Variants in GRHL2 observed in about 807,000 individuals in gnomAD.
GRHL2 encodes the protein grainyhead like transcription factor 2, also known as grainyhead-like protein 2 homolog.
GRHL2 carries 21 observed loss-of-function variants against 83.8 expected under a neutral mutation model. The observed-to-expected ratio is 0.25, with a 90% confidence interval of 0.18 to 0.36. The LOEUF (loss-of-function observed/expected upper bound fraction) is 0.36. Among genes scored for constraint, GRHL2 ranks in the 10% least tolerant of loss-of-function variants. The probability of loss-of-function intolerance (pLI) is 1.00; values close to 1 mark genes in which losing one functional copy is unlikely to be tolerated. For synonymous variants in GRHL2, 280 were observed against 278.9 expected (o/e 1.00, Z -0.04); for missense variants, 623 against 781.8 (o/e 0.80, Z 2.42).
chr8:101,582,707 G>A (rs1251377777), intron 7 of GRHL2, among the ~76,000 whole-genome samples: 2 of 152,246 alleles, frequency 1.3e-5, no homozygotes, highest in South Asian at 4.2e-4. Flanking sequence ...GTTCCTCTGC[G>A]ACCACCCACC....
chr8:101,598,081 G>A (rs1034411126), intron 7 of GRHL2, among the ~76,000 whole-genome samples: 5 of 151,980 alleles, frequency 3.3e-5, no homozygotes, highest in Non-Finnish European at 7.4e-5. Flanking sequence ...AATATATTCC[G>A]TAAGAATATA....
At chr8:101,600,625 A>G (rs1812490048) in intron 8 of GRHL2, among the ~76,000 whole-genome samples, 1 of 152,236 alleles carries the variant, frequency 6.6e-6, no homozygotes, top group African/African-American at 2.4e-5. Flanking sequence ...CCACTGAGTC[A>G]TCCTGAGCAA....
intron 8 of GRHL2, among the ~76,000 whole-genome samples, chr8:101,605,299 C>G (rs1298749905): frequency 2.0e-5 from 3 of 152,144 alleles, no homozygotes; most frequent in African/African-American, 7.2e-5. Context: ...TATTACCTCT[C>G]AACATATCAG....
At chr8:101,681,190 AAAG>A in the GRHL2 span, among the ~76,000 whole-genome samples, 2 of 136,492 alleles carry the variant, frequency 1.5e-5, no homozygotes, top group Non-Finnish European at 3.1e-5. Flanking sequence ...CAAGACTAAT[AAAG>A]AAGAAAAGAG....
At chr8:101,643,216 T>C (rs563511120) in intron 12 of GRHL2, among the ~76,000 whole-genome samples, 2 of 152,162 alleles carry the variant, frequency 1.3e-5, no homozygotes, top group East Asian at 1.9e-4. Flanking sequence ...TCTTTCGGGA[T>C]TGTGATCAGC....
chr8:101,507,997 G>C (rs1020061196), intron 1 of GRHL2, among the ~76,000 whole-genome samples: 1 of 151,930 alleles, frequency 6.6e-6, no homozygotes, highest in African/African-American at 2.4e-5. Flanking sequence ...TGTTGGCCAG[G>C]CTGGTCTCGA....
At chr8:101,524,394 C>A (rs544741868) in intron 1 of GRHL2, among the ~76,000 whole-genome samples, 1 of 151,972 alleles carries the variant, frequency 6.6e-6, no homozygotes, top group African/African-American at 2.4e-5. Context: ...CAGGTTAATT[C>A]TTTTATTTTT....
At chr8:101,617,236 C>A (rs1917727) in intron 8 of GRHL2, among the ~76,000 whole-genome samples, 74,129 of 151,920 alleles carry the variant, frequency 0.49, 19,357 homozygotes, top group African/African-American at 0.68. Context: ...CAGTGGCTGG[C>A]AGCGTGAGAG....
chr8:101,677,227 A>AATAATAATAAT, the GRHL2 span, among the ~76,000 whole-genome samples: 46 of 128,146 alleles, frequency 3.6e-4, no homozygotes, highest in African/African-American at 1.1e-3. Flanking sequence ...ATAATAATAA[A>AATAATAATAAT]AATAAAGAAA....
chr8:101,635,662 C>T (rs1356946308), intron 11 of GRHL2, among the ~76,000 whole-genome samples: 1 of 152,156 alleles, frequency 6.6e-6, no homozygotes, highest in East Asian at 1.9e-4. Flanking sequence ...CTAGTACATC[C>T]CAATGACAGT....
At position 101,558,452 on chromosome 8, in the gene GRHL2, T is replaced by C. The variant is rs1372557596; in HGVS notation, c.318T>C (p.Asn106=). The change falls in exon 4 of 16, where the codon AAT becomes AAC. Residue 106 remains asparagine, a synonymous_variant. Coordinates refer to ENST00000646743, the MANE Select transcript of GRHL2 (RefSeq NM_024915.4). ...TTGGCACCAGTGAAGCCCAGAGTAATTTGAGTGGAGGAGAAAACCGAGTGC... is the reference window on the plus strand; with the variant it reads ...TTGGCACCAGTGAAGCCCAGAGTAACTTGAGTGGAGGAGAAAACCGAGTGC... The part of the protein sequence containing the change: ...NCLGTSEAQS[N]LSGGENRVQV... The C allele has an allele frequency of 1.2e-6, 2 of 1,614,068 alleles. No homozygotes were observed. Among genetic ancestry groups the C allele is most frequent in the Non-Finnish European group, 1.7e-6 (2 of 1,180,024 alleles).
At chr8:101,522,096 T>C (rs896766842) in intron 1 of GRHL2, among the ~76,000 whole-genome samples, 1 of 152,016 alleles carries the variant, frequency 6.6e-6, no homozygotes, top group African/African-American at 2.4e-5. Flanking sequence ...GCACTAAAGA[T>C]TTTTTTTAAA....
chr8:101,520,673 C>T (rs1810664213), intron 1 of GRHL2, among the ~76,000 whole-genome samples: 1 of 152,180 alleles, frequency 6.6e-6, no homozygotes, highest in Non-Finnish European at 1.5e-5. Context: ...ACCCTGTGCA[C>T]TTAGCATACA....
At chr8:101,533,575 A>T (rs899339677) in intron 1 of GRHL2, among the ~76,000 whole-genome samples, 1 of 152,336 alleles carries the variant, frequency 6.6e-6, no homozygotes, top group South Asian at 2.1e-4. Context: ...AGTAAGTTAC[A>T]TTGTGTTTAA....
In GRHL2 at chr8:101,566,619, A is replaced by C. The variant is rs981146860; in HGVS notation, c.679-3720A>C. Among the ~76,000 whole-genome samples the C allele has an allele frequency of 5.4e-5, 8 of 148,182 alleles. No homozygotes were observed. The East Asian group carries it at 1.6e-3, about 29-fold the overall frequency. ...TTATATATATTATTATAATTAATATAATTATATTTATTATATCTAACTGCC... is the reference window on the plus strand; with the variant it reads ...TTATATATATTATTATAATTAATATCATTATATTTATTATATCTAACTGCC... On this transcript the variant is annotated intron_variant, in intron 4 of 15. Coordinates refer to ENST00000646743, the MANE Select transcript of GRHL2 (RefSeq NM_024915.4).
intron 8 of GRHL2, among the ~76,000 whole-genome samples, chr8:101,613,178 A>G (rs1191716732): frequency 1.3e-5 from 2 of 150,948 alleles, no homozygotes; most frequent in Non-Finnish European, 2.9e-5. Flanking sequence ...AAAGGAGAAC[A>G]AACAAAAAGT....
chr8:101,667,542 C>CA lies in GRHL2; in HGVS notation c.*841dup, dbSNP rs1814098581. On this transcript the variant is annotated 3_prime_UTR_variant, in exon 16 of 16. Transcript: ENST00000646743. ...GCAGCTGATGCCAAGATGGACTCTGCAATGGGCATACCTGGGGGCTCGTTC... is the reference window on the plus strand; with the variant it reads ...GCAGCTGATGCCAAGATGGACTCTGCAAATGGGCATACCTGGGGGCTCGTTC... 1 of 152,602 alleles carries CA rather than the reference C, an allele frequency of 6.6e-6. No individual in the cohort carries two copies. The allele number at this position is 152,602 out of a possible 1,614,324, so 9.5% of individuals were successfully genotyped here. A position where few individuals can be genotyped will look rare whatever the true frequency, so the allele number is the denominator to read the frequency against.
intron 9 of GRHL2, among the ~76,000 whole-genome samples, chr8:101,628,066 G>A (rs991470991): frequency 1.3e-5 from 2 of 152,178 alleles, no homozygotes; most frequent in African/African-American, 2.4e-5. Flanking sequence ...TGCAGAAGAT[G>A]TAACTAAGAT....
chr8:101,528,526 A>C (rs1810853420), intron 1 of GRHL2, among the ~76,000 whole-genome samples: 1 of 151,976 alleles, frequency 6.6e-6, no homozygotes. Context: ...TGGAGTTCCC[A>C]CATGTAGCTG....
Sources: gnomAD v4.1 joint callset for allele counts (sites outside exome capture counted in the v4.1 genomes callset) on GRCh38, gnomAD v4.1.1 for gene constraint, MANE v1.5 for transcripts, NCBI Gene and HGNC (gene_info 2026-07-23, HGNC 2026-07-21) for gene names.